OTOG: variants seen among roughly 807,000 people sequenced by gnomAD.
OTOG encodes the protein otogelin.
Under a neutral mutation model 313.8 loss-of-function variants are expected in OTOG, and 296 were observed. That is an observed-to-expected ratio of 0.94 (90% CI 0.86 to 1.04). The LOEUF is 1.04. Ranked by LOEUF, OTOG falls within the 50% of genes least tolerant of loss-of-function variation. OTOG has a pLI of 0.00. For synonymous variants in OTOG, 1,533 were observed against 1,554.9 expected (o/e 0.99, Z 0.33); for missense variants, 3,948 against 3,840.1 (o/e 1.03, Z -0.74).
In OTOG at chr11:17,641,835, C is replaced by T. The variant is rs11828989; in HGVS notation, c.8191-12C>T. 2.7e-5 allele frequency: 42 copies of T among 1,545,542 alleles called. No individual in the cohort carries two copies. The highest frequency in any genetic ancestry group is 2.6e-6 in the Non-Finnish European group (3 of 1,144,086). On this transcript the variant is annotated splice_polypyrimidine_tract_variant and intron_variant, in intron 51 of 55. Transcript: ENST00000399397. ...GGCATCTGGCTGAGGCCCACCCCGC[C>T]CTGGCCTGTAGAACCAGGAGTACGA... is the stretch of plus-strand genomic sequence containing the variant.
chr11:17,590,168 A>G (rs1162629608), intron 24 of OTOG, among the ~76,000 whole-genome samples: 1 of 152,118 alleles, frequency 6.6e-6, no homozygotes, highest in Non-Finnish European at 1.5e-5. Context: ...CATGCTTCTC[A>G]ACTCTAGGCT....
chr11:17,607,218 G>T (rs1853411392), intron 33 of OTOG, among the ~76,000 whole-genome samples: 1 of 152,272 alleles, frequency 6.6e-6, no homozygotes, highest in African/African-American at 2.4e-5. Flanking sequence ...TGGAAAAGCA[G>T]GTTTCTTTAC....
Position 17,641,065 on chromosome 11 carries a change from G to C in OTOG, c.8164G>C (p.Val2722Leu). 6.5e-7 allele frequency: 1 copy of C among 1,540,322 alleles called. No individual in the cohort carries two copies. The highest frequency in any genetic ancestry group is 2.5e-5 in the East Asian group (1 of 40,572). The change falls in exon 51 of 56, where the codon GTG becomes CTG. Residue 2722 changes from valine (V) to leucine (L), a missense_variant. Physicochemically the swap from Val to Leu is conservative, Grantham distance 32 (BLOSUM62 1). Coordinates refer to ENST00000399397, the MANE Select transcript of OTOG (RefSeq NM_001292063.2). ...TNFYQINTTS[V>L]LCDIHCEANQ... ...CTTCTACCAGATCAACACCACCTCCGTGCTCTGTGACATCCACTGTGAGGC... is the reference window on the plus strand; with the variant it reads ...CTTCTACCAGATCAACACCACCTCCCTGCTCTGTGACATCCACTGTGAGGC...
At chr11:17,612,394 C>A (rs1853583541) in intron 37 of OTOG, 64 bp downstream of exon 37, 1 of 1,468,126 alleles carries the variant, frequency 6.8e-7, no homozygotes, top group Non-Finnish European at 9.0e-7. Flanking sequence ...GCATGACCGC[C>A]ATCCCTGATC....
intron 20 of OTOG, among the ~76,000 whole-genome samples, chr11:17,576,054 A>C (rs745786513): frequency 6.6e-6 from 1 of 152,222 alleles, no homozygotes; most frequent in Non-Finnish European, 1.5e-5. Flanking sequence ...GCGAAGAATC[A>C]ATGAGATTAT....
At chr11:17,618,314 T>A (rs1038320824) in intron 39 of OTOG, among the ~76,000 whole-genome samples, 2 of 152,252 alleles carry the variant, frequency 1.3e-5, no homozygotes, top group Non-Finnish European at 2.9e-5. Context: ...TCAAAATACT[T>A]TTAAATATCC....
intron 33 of OTOG, 107 bp downstream of exon 33, chr11:17,606,242 C>A: frequency 7.5e-7 from 1 of 1,340,204 alleles, no homozygotes; most frequent in Non-Finnish European, 9.9e-7. Context: ...GAAGCAGAAT[C>A]CTCCTTCTCC....
At position 17,557,437 on chromosome 11, in the gene OTOG, TA is replaced by T. The variant is rs1852080686; in HGVS notation, c.865+117del. On this transcript the variant is annotated intron_variant, in intron 8 of 55. Transcript: ENST00000399397. ...AGCCCTGGGGTCGTGGTCATGGTAT[TA>T]AAGACCCAATGGAAGGCCAAGGACC... 40 of 1,053,566 alleles carry T rather than the reference TA, an allele frequency of 3.8e-5. No individual in the cohort carries two copies. The South Asian group carries it at 6.3e-4, about 17-fold the overall frequency. The allele number at this position is 1,053,566 out of a possible 1,614,324, so 65.3% of individuals were successfully genotyped here. A position where few individuals can be genotyped will look rare whatever the true frequency, so the allele number is the denominator to read the frequency against.
intron 31 of OTOG, among the ~76,000 whole-genome samples, chr11:17,600,665 A>C (rs1018918598): frequency 6.6e-6 from 1 of 152,220 alleles, no homozygotes; most frequent in African/African-American, 2.4e-5. Flanking sequence ...GGCTCTTGAC[A>C]GCCCCAGACC....
Position 17,596,898 on chromosome 11 carries a change from C to T in OTOG, c.3573C>T (p.Gly1191=). Residue 1191 remains glycine (G), a synonymous_variant, in exon 30 of 56, where the codon GGC becomes GGT. Transcript: ENST00000399397. ...FYSNCLTDTC[G]CSQGGDCECF... is the part of the protein sequence containing the mutation. ...CAAACTGCCTGACAGACACATGTGG[C>T]TGCAGCCAGGGTGGTGACTGTGAGT... is the stretch of plus-strand genomic sequence containing the variant. The T allele has an allele frequency of 1.3e-6, 2 of 1,551,068 alleles. No individual in the cohort carries two copies. Among genetic ancestry groups the T allele is most frequent in the South Asian group, 2.4e-5 (2 of 84,066 alleles).
rs1159493007 is a variant in OTOG, at chr11:17,610,266, A to T, written c.4966A>T (p.Arg1656Trp). The T allele has an allele frequency of 1.3e-6, 2 of 1,550,488 alleles. No homozygotes were observed. The highest frequency in any genetic ancestry group is 2.0e-5 in the Admixed American group (1 of 50,984). ...TGTGGCTTCCCCTGGAGCCATCTCC[A>T]GGTCCCCCACCTCCTCGGGATCCCA... is the stretch of plus-strand genomic sequence containing the variant. ...RPVASPGAIS[R>W]SPTSSGSHKA... Residue 1656 changes from arginine (R) to tryptophan (W), a missense_variant, in exon 36 of 56, where the codon AGG (arginine) becomes TGG (tryptophan). Transcript: ENST00000399397.
intron 28 of OTOG, among the ~76,000 whole-genome samples, chr11:17,595,726 G>A (rs1473406306): frequency 6.6e-6 from 1 of 152,176 alleles, no homozygotes; most frequent in Non-Finnish European, 1.5e-5. Context: ...CATCCATGTG[G>A]GGTCCCCCAG....
Position 17,634,125 on chromosome 11 carries a change from C to T in OTOG, c.7324C>T (p.Leu2442Phe), listed in dbSNP as rs573071858. 1 of 1,549,202 alleles carries T rather than the reference C, an allele frequency of 6.5e-7. No homozygotes were observed. The highest frequency in any genetic ancestry group is 8.7e-7 in the Non-Finnish European group (1 of 1,146,940). ...CCTGGGGGAGACCTGGAACAGCTCC[C>T]TCAGCGGCTGCTGCCAGCACCAGTG... The part of the protein sequence containing the change: ...RALGETWNSS[L>F]SGCCQHQCQA... The change falls in exon 44 of 56, where the codon CTC becomes TTC. Residue 2442 changes from leucine to phenylalanine, a missense_variant. Transcript: ENST00000399397.
rs1283855279 is a variant in OTOG at position 17,569,210 on chromosome 11, C to T, written c.1699C>T (p.Arg567Trp). The T allele has an allele frequency of 1.4e-5, 22 of 1,550,482 alleles. No individual in the cohort carries two copies. The highest frequency in any genetic ancestry group is 1.7e-4 in the Middle Eastern group (1 of 6,014). ...GTCAGTGATTCTGCACCAGGACCCT[C>T]GGAGGCAGGTGACCCTGACCCAGGC... is the stretch of plus-strand genomic sequence containing the variant. The part of the protein sequence containing the change: ...SVSVILHQDP[R>W]RQVTLTQAGD... The change falls in exon 16 of 56, where the codon CGG (arginine) becomes TGG (tryptophan). Residue 567 changes from arginine to tryptophan, a missense_variant. Arg to Trp is a moderately radical substitution (Grantham distance 101). Coordinates refer to ENST00000399397, the MANE Select transcript of OTOG (RefSeq NM_001292063.2).
In OTOG at chr11:17,560,761, G is replaced by A. The variant is rs1852162448; in HGVS notation, c.1395G>A (p.Glu465=). 3 of 1,550,616 alleles carry A rather than the reference G, an allele frequency of 1.9e-6. No homozygotes were observed. The highest frequency in any genetic ancestry group is 2.6e-6 in the Non-Finnish European group (3 of 1,147,020). ...GCVAPAECPC[E]FHGTLYPPGS... is the part of the protein sequence containing the mutation. ...TGGCACCAGCTGAGTGTCCCTGTGAGTTTCACGGGACTCTGTACCCACCTG... is the reference window on the plus strand; with the variant it reads ...TGGCACCAGCTGAGTGTCCCTGTGAATTTCACGGGACTCTGTACCCACCTG... Residue 465 remains glutamate, a synonymous_variant, in exon 13 of 56, where the codon GAG becomes GAA. Coordinates refer to ENST00000399397, the MANE Select transcript of OTOG (RefSeq NM_001292063.2).
chr11:17,577,046 C>G, intron 22 of OTOG, 135 bp downstream of exon 22: 1 of 908,558 alleles, frequency 1.1e-6, no homozygotes, highest in Non-Finnish European at 1.6e-6. Context: ...TATTCCTTGC[C>G]CTCTTGGCAA....
intron 6 of OTOG, 68 bp from the exon 7 acceptor site, chr11:17,555,710 TA>T: frequency 2.3e-6 from 3 of 1,283,590 alleles, no homozygotes; most frequent in Non-Finnish European, 3.3e-6. Flanking sequence ...GAAAACTCAA[TA>T]AGGTGTGAAG....
chr11:17,633,564 C>T, intron 42 of OTOG, 116 bp from the exon 43 acceptor site: 1 of 960,094 alleles, frequency 1.0e-6, no homozygotes, highest in Non-Finnish European at 1.5e-6. Flanking sequence ...GCACTCTCTG[C>T]TGAGGTGCTG....
At chr11:17,573,848 G>C (rs1402680484) in intron 19 of OTOG, among the ~76,000 whole-genome samples, 1 of 152,238 alleles carries the variant, frequency 6.6e-6, no homozygotes, top group Non-Finnish European at 1.5e-5. Flanking sequence ...CAGGAGGCCT[G>C]AGTTCTATTC....
Sources: gnomAD v4.1 joint callset for allele counts (sites outside exome capture counted in the v4.1 genomes callset) on GRCh38, gnomAD v4.1.1 for gene constraint, MANE v1.5 for transcripts, NCBI Gene and HGNC (gene_info 2026-07-23, HGNC 2026-07-21) for gene names.